The following SHANK2 variants were observed in gnomAD, a reference collection of about 807,000 sequenced individuals.
SHANK2 encodes SH3 and multiple ankyrin repeat domains protein 2.
A neutral mutation model predicts 133.7 loss-of-function variants in SHANK2; 43 were observed. The observed-to-expected ratio is 0.32, with a 90% CI of 0.25 to 0.41. The LOEUF is 0.41. SHANK2 is among the 10% of genes least tolerant of loss of function. SHANK2 has a pLI of 1.00. For missense variants in SHANK2, 1,994 were observed against 2,235.8 expected, an observed-to-expected ratio of 0.89 and a Z score of 2.18; for synonymous variants, 1,017 against 952.8, an observed-to-expected ratio of 1.07 and a Z score of -1.24.
At chr11:70,873,157 TGCCACAGCAACC>T (rs1555070539) in intron 11 of SHANK2, 1 of 467,382 alleles carries the variant, frequency 2.1e-6, no homozygotes, top group Non-Finnish European at 4.5e-6. Flanking sequence ...AAAGAGCCGT[TGCCACAGCAACC>T]GTGGCATCCC....
chr11:70,721,419 G>T (rs1185195261), intron 14 of SHANK2, among the ~76,000 whole-genome samples: 4 of 152,232 alleles, frequency 2.6e-5, no homozygotes, highest in Non-Finnish European at 5.9e-5. Flanking sequence ...CAACATCTTG[G>T]GGCAGGCCGT....
intron 17 of SHANK2, among the ~76,000 whole-genome samples, chr11:70,530,302 C>T (rs573993178): frequency 1.4e-4 from 21 of 152,218 alleles, no homozygotes; most frequent in African/African-American, 2.6e-4. Flanking sequence ...CTCAAACTTC[C>T]GGGCTGAAAC....
intron 11 of SHANK2, among the ~76,000 whole-genome samples, chr11:70,851,026 T>C (rs1555065284): frequency 6.6e-6 from 1 of 152,162 alleles, no homozygotes; most frequent in Non-Finnish European, 1.5e-5. Context: ...CCATTAACAG[T>C]GGCTGTGGCT....
At chr11:70,531,626 G>A (rs2059472949) in intron 17 of SHANK2, among the ~76,000 whole-genome samples, 1 of 152,224 alleles carries the variant, frequency 6.6e-6, no homozygotes, top group Admixed American at 6.5e-5. Flanking sequence ...AGGCCTTGCT[G>A]TGTGGCCACA....
At chr11:70,922,296 C>T (rs1555080825) in intron 10 of SHANK2, among the ~76,000 whole-genome samples, 2 of 146,648 alleles carry the variant, frequency 1.4e-5, no homozygotes, top group East Asian at 4.1e-4. Flanking sequence ...AAGGCTCTGA[C>T]ATATATGTGA....
At chr11:70,759,184 C>CCAAACCAAAA (rs1946936879) in intron 14 of SHANK2, among the ~76,000 whole-genome samples, 3 of 133,998 alleles carry the variant, frequency 2.2e-5, no homozygotes, top group Non-Finnish European at 3.2e-5. Context: ...CCAAACCAAA[C>CCAAACCAAAA]CAAAACAAAA....
rs141123684 is a variant in SHANK2, at chr11:70,521,790, G to C, written c.2062-18859C>G. On this transcript the variant is annotated intron_variant, in intron 17 of 25. Coordinates refer to ENST00000601538, the MANE Select transcript of SHANK2 (RefSeq NM_012309.5). ...ATTCTTCTCGCCTTGCCTTTCCCAC[G>C]TAACAACACCCCCTGGAGACGGTGC... Among the ~76,000 whole-genome samples, 212 of 152,282 alleles carry C rather than the reference G, an allele frequency of 1.4e-3. 1 individual carries two copies. The highest frequency in any genetic ancestry group is 5.1e-3 in the African/African-American group (211 of 41,544).
chr11:70,752,783 C>T (rs1946782489), intron 14 of SHANK2, among the ~76,000 whole-genome samples: 1 of 151,704 alleles, frequency 6.6e-6, no homozygotes, highest in South Asian at 2.1e-4. Flanking sequence ...ATACCTAATG[C>T]CAGCATAAAC....
At chr11:70,929,822 A>T (rs1555082206) in intron 10 of SHANK2, among the ~76,000 whole-genome samples, 1 of 152,212 alleles carries the variant, frequency 6.6e-6, no homozygotes, top group Non-Finnish European at 1.5e-5. Context: ...ACATTCTTTT[A>T]GCAACTGCAA....
At chr11:70,627,012 G>A (rs571726715) in intron 17 of SHANK2, among the ~76,000 whole-genome samples, 22 of 152,314 alleles carry the variant, frequency 1.4e-4, no homozygotes, top group African/African-American at 3.6e-4. Flanking sequence ...TGGCTTTGGC[G>A]CAGCCGTGAA....
At chr11:70,788,440 C>T (rs1001660626) in intron 14 of SHANK2, among the ~76,000 whole-genome samples, 2 of 152,312 alleles carry the variant, frequency 1.3e-5, no homozygotes, top group South Asian at 2.1e-4. Context: ...AGCGTGATGT[C>T]GAGTGCCGTT....
chr11:70,951,032 G>A (rs1950827679), intron 10 of SHANK2: 2 of 259,614 alleles, frequency 7.7e-6, no homozygotes, highest in Admixed American at 1.0e-4. Context: ...GCAAACTTCT[G>A]GACACTCCCT....
intron 14 of SHANK2, among the ~76,000 whole-genome samples, chr11:70,711,257 G>T (rs992547156): frequency 6.6e-6 from 1 of 152,168 alleles, no homozygotes; most frequent in Non-Finnish European, 1.5e-5. Flanking sequence ...CGTTTAGAGG[G>T]CTCAGGGTCA....
At chr11:70,871,358 G>A (rs554521278) in intron 11 of SHANK2, among the ~76,000 whole-genome samples, 2 of 152,222 alleles carry the variant, frequency 1.3e-5, no homozygotes, top group Non-Finnish European at 2.9e-5. Context: ...GAAGATCACT[G>A]GCACCATAGG....
chr11:71,232,272 G>C (rs1334441877), intron 1 of SHANK2, among the ~76,000 whole-genome samples: 1 of 152,142 alleles, frequency 6.6e-6, no homozygotes, highest in African/African-American at 2.4e-5. Context: ...CACCATGAGG[G>C]GTCCTGGTGT....
At chr11:70,616,755 G>T (rs532261929) in intron 17 of SHANK2, among the ~76,000 whole-genome samples, 2 of 152,254 alleles carry the variant, frequency 1.3e-5, no homozygotes, top group African/African-American at 4.8e-5. Context: ...GGCTGGGGTG[G>T]CCCAGAGCCT....
intron 24 of SHANK2, among the ~76,000 whole-genome samples, chr11:70,488,381 C>G (rs2058841531): frequency 6.6e-6 from 1 of 152,226 alleles, no homozygotes; most frequent in Admixed American, 6.5e-5. Context: ...TGAGCGAAGC[C>G]ATCTGCCCAC....
chr11:71,164,278 C>T (rs1953093519), intron 2 of SHANK2, among the ~76,000 whole-genome samples: 1 of 152,156 alleles, frequency 6.6e-6, no homozygotes, highest in Non-Finnish European at 1.5e-5. Context: ...GATTAACTGG[C>T]CTTTGAAGAT....
intron 14 of SHANK2, among the ~76,000 whole-genome samples, chr11:70,797,763 G>C (rs991262266): frequency 6.6e-6 from 1 of 151,910 alleles, no homozygotes; most frequent in Non-Finnish European, 1.5e-5. Context: ...CTAAAAGCCA[G>C]ATGCCGTTCA....
Sources: allele counts gnomAD v4.1 joint callset (sites outside exome capture counted in the v4.1 genomes callset), GRCh38; gene constraint gnomAD v4.1.1; transcripts MANE v1.5; gene names NCBI Gene and HGNC (gene_info 2026-07-23, HGNC 2026-07-21).